Variants in ZBTB37 observed in about 807,000 individuals in gnomAD.
ZBTB37 encodes the protein zinc finger and BTB domain-containing protein 37.
ZBTB37 carries 15 observed loss-of-function variants against 37.7 expected under a neutral mutation model. That is an observed-to-expected ratio of 0.40 (90% CI 0.27 to 0.61). The LOEUF (loss-of-function observed/expected upper bound fraction) is 0.61. ZBTB37 is among the 20% of genes least tolerant of loss of function. The probability of loss-of-function intolerance (pLI) is 0.44; values close to 1 mark genes in which losing one functional copy is unlikely to be tolerated. For missense variants in ZBTB37, 514 were observed against 641.9 expected (o/e 0.80, Z 2.15); for synonymous variants, 231 against 220.6 (o/e 1.05, Z -0.42).
chr1:173,893,763 G>A (rs1208525459), exon 4 of ZBTB37: 1 of 152,144 alleles, frequency 6.6e-6, no homozygotes, highest in East Asian at 1.9e-4. Flanking sequence ...ATCCCATGAG[G>A]GTAGATAACA....
chr1:173,886,418 A>G (rs1055677979), exon 5 of ZBTB37: 1 of 365,026 alleles, frequency 2.7e-6, no homozygotes, highest in Non-Finnish European at 5.1e-6. Flanking sequence ...TAACAAAACG[A>G]TGATGATAAA....
exon 4 of ZBTB37, chr1:173,895,843 C>T (rs969482766): frequency 1.2e-4 from 19 of 152,258 alleles, no homozygotes; most frequent in African/African-American, 4.3e-4. Flanking sequence ...TAGACTGTTC[C>T]TGCTCTGAGA....
exon 4 of ZBTB37, chr1:173,902,856 TAAC>T (rs1223103889): frequency 1.3e-5 from 2 of 152,022 alleles, no homozygotes; most frequent in Non-Finnish European, 2.9e-5. Flanking sequence ...ACACAAGTAA[TAAC>T]ATCCACTTTT....
exon 4 of ZBTB37, chr1:173,893,483 C>A (rs1158546124): frequency 6.6e-6 from 1 of 152,142 alleles, no homozygotes; most frequent in African/African-American, 2.4e-5. Flanking sequence ...ATGTGTCTTC[C>A]TATACTTGAG....
intron 4 of ZBTB37, among the ~76,000 whole-genome samples, chr1:173,874,571 T>A (rs1396907678): frequency 6.6e-6 from 1 of 152,146 alleles, no homozygotes; most frequent in Non-Finnish European, 1.5e-5. Flanking sequence ...CAGGGTGGTT[T>A]CGATCTCCTG....
exon 4 of ZBTB37, chr1:173,900,623 G>C (rs923607977): frequency 5.3e-5 from 8 of 152,224 alleles, no homozygotes; most frequent in African/African-American, 1.9e-4. Context: ...GTGGTAATTT[G>C]AACTTCAGTA....
At chr1:173,902,479 T>C (rs1219663834) in exon 4 of ZBTB37, 1 of 152,256 alleles carries the variant, frequency 6.6e-6, no homozygotes, top group Non-Finnish European at 1.5e-5. Context: ...CTGAAGCAGT[T>C]ACTCCATTAA....
Position 173,885,706 on chromosome 1 carries a change from G to A in ZBTB37, c.1094G>A (p.Arg365Gln), listed in dbSNP as rs925586490. 23 of 1,551,818 alleles carry A rather than the reference G, an allele frequency of 1.5e-5. No homozygotes were observed. Among genetic ancestry groups the A allele is most frequent in the Middle Eastern group, 1.7e-4 (1 of 6,018 alleles). The change falls in exon 5 of 5, where the codon CGG (arginine) becomes CAG (glutamine). Residue 365 changes from arginine to glutamine, a missense_variant. This residue lies in a region of ZBTB37 where 323 missense variants were observed against 321.9 expected (regional missense o/e 1.00). Coordinates refer to ENST00000427304, the Ensembl canonical transcript of ZBTB37. Reference sequence around the variant, plus strand: ...CTCCGAGAGCAGGAAGTATCTGAGCGGTGGTTCCGGTACAACCCTCGTCTC... The same window carrying A: ...CTCCGAGAGCAGGAAGTATCTGAGCAGTGGTTCCGGTACAACCCTCGTCTC...
chr1:173,892,023 C>T (rs540181880), exon 4 of ZBTB37: 6 of 152,118 alleles, frequency 3.9e-5, no homozygotes, highest in Admixed American at 3.9e-4. Flanking sequence ...TATGATATAC[C>T]CTCTGAGTAA....
intron 4 of ZBTB37, among the ~76,000 whole-genome samples, chr1:173,884,294 A>G (rs1535527): frequency 0.11 from 17,288 of 151,664 alleles, 1,085 homozygotes; most frequent in Middle Eastern, 0.18. Flanking sequence ...CTGGGACTAC[A>G]TGTGCGCACC....
chr1:173,886,004 C>A (rs906824482), exon 5 of ZBTB37: 1 of 1,551,666 alleles, frequency 6.4e-7, no homozygotes, highest in Non-Finnish European at 8.7e-7. Context: ...CTCACAGCAT[C>A]TCCCCTGAAA....
exon 4 of ZBTB37, chr1:173,893,249 T>G (rs1656917625): frequency 6.6e-6 from 1 of 152,212 alleles, no homozygotes; most frequent in Non-Finnish European, 1.5e-5. Flanking sequence ...GCCTACACCA[T>G]GATTTTAATA....
chr1:173,871,790 C>T (rs944873915), intron 3 of ZBTB37, among the ~76,000 whole-genome samples: 1 of 152,148 alleles, frequency 6.6e-6, no homozygotes, highest in African/African-American at 2.4e-5. Context: ...TGCTATGCCC[C>T]ATGCCTCACT....
exon 4 of ZBTB37, chr1:173,900,829 G>A (rs545514022): frequency 6.6e-6 from 1 of 152,364 alleles, no homozygotes; most frequent in South Asian, 2.1e-4. Context: ...TGTTACTGGT[G>A]GAGTAGAAAA....
intron 4 of ZBTB37, among the ~76,000 whole-genome samples, chr1:173,885,018 A>C (rs941849919): frequency 2.6e-5 from 4 of 152,074 alleles, no homozygotes; most frequent in African/African-American, 9.7e-5. Context: ...TAGATTGCCA[A>C]AGTCCAGGAA....
At chr1:173,886,473 C>T (rs556450792) in exon 5 of ZBTB37, 1 of 199,222 alleles carries the variant, frequency 5.0e-6, no homozygotes, top group South Asian at 1.0e-4. Flanking sequence ...TACTTTGGTC[C>T]ATATCATCTT....
At chr1:173,870,459 T>C in exon 3 of ZBTB37, 1 of 1,614,262 alleles carries the variant, frequency 6.2e-7, no homozygotes, top group Non-Finnish European at 8.5e-7. Flanking sequence ...AGAACCCTAC[T>C]GTTTTTGAAC....
At chr1:173,887,142 T>C (rs1656656815), downstream of ZBTB37, 1 of 152,250 alleles carries the variant, frequency 6.6e-6, no homozygotes, top group African/African-American at 2.4e-5. Context: ...CCATATTTGA[T>C]AACTTTTATA....
exon 4 of ZBTB37, chr1:173,895,476 A>G (rs1407033753): frequency 6.6e-6 from 1 of 152,002 alleles, no homozygotes; most frequent in Admixed American, 6.6e-5. Flanking sequence ...ATAGGTGAAT[A>G]CTCTTGTGGT....
Sources: allele counts gnomAD v4.1 joint callset (sites outside exome capture counted in the v4.1 genomes callset), GRCh38; gene constraint gnomAD v4.1.1; regional missense constraint gnomAD v4.1.1; transcripts MANE v1.5; gene names NCBI Gene and HGNC (gene_info 2026-07-23, HGNC 2026-07-21).